Variants in EVC observed in about 807,000 individuals in gnomAD.
EVC encodes EvC ciliary complex subunit 1.
EVC carries 116 observed loss-of-function variants against 118.9 expected under a neutral mutation model. The ratio of observed to expected loss-of-function variants is 0.98; its 90% CI spans 0.84 to 1.14. The LOEUF (loss-of-function observed/expected upper bound fraction) is 1.14. EVC is among the 50% of genes most tolerant of loss of function. The probability of loss-of-function intolerance (pLI) is 0.00; values close to 1 mark genes in which losing one functional copy is unlikely to be tolerated. For missense variants in EVC, 1,401 were observed against 1,246.4 expected, an observed-to-expected ratio of 1.12 and a Z score of -1.87; for synonymous variants, 619 against 534.7, an observed-to-expected ratio of 1.16 and a Z score of -2.18.
chr4:5,759,006 G>A (rs939613313), intron 11 of EVC, among the ~76,000 whole-genome samples: 3 of 152,068 alleles, frequency 2.0e-5, no homozygotes. Flanking sequence ...CCCTTTCTGG[G>A]GAGTCTTATG....
downstream of EVC, chr4:5,814,392 C>T (rs529338693): frequency 1.3e-5 from 2 of 152,218 alleles, no homozygotes; most frequent in Admixed American, 6.5e-5. Context: ...CTCCCAGGAC[C>T]CTCCTGGCCA....
chr4:5,824,483 C>CCTCTCT, the EVC span: 6 of 942,282 alleles, frequency 6.4e-6, no homozygotes, highest in Admixed American at 6.3e-5. Flanking sequence ...CACACGTCAT[C>CCTCTCT]CTCTCTCTCT....
intron 11 of EVC, among the ~76,000 whole-genome samples, chr4:5,783,279 CAT>C (rs1316110689): frequency 1.3e-5 from 2 of 151,884 alleles, no homozygotes; most frequent in African/African-American, 2.4e-5. Context: ...TGTCTGCATG[CAT>C]ATGTGTATGA....
chr4:5,828,089 G>A, the EVC span: 88 of 985,422 alleles, frequency 8.9e-5, no homozygotes, highest in East Asian at 2.3e-4. Context: ...GGCCAGACCC[G>A]AGGGTTTCTG....
At chr4:5,800,960 C>T (rs905354660) in intron 15 of EVC, among the ~76,000 whole-genome samples, 2 of 152,158 alleles carry the variant, frequency 1.3e-5, no homozygotes, top group Non-Finnish European at 2.9e-5. Flanking sequence ...TAAATATTTG[C>T]CGAAATGGGG....
chr4:5,722,848 A>G (rs1237729297), intron 2 of EVC, among the ~76,000 whole-genome samples: 2 of 152,220 alleles, frequency 1.3e-5, no homozygotes, highest in African/African-American at 4.8e-5. Context: ...AATTTTCTAA[A>G]TAATTGTATT....
At position 5,754,329 on chromosome 4, in the gene EVC, C is replaced by T. The variant is rs981105190; in HGVS notation, c.1464+396C>T. On this transcript the variant is annotated intron_variant, in intron 10 of 20. Transcript: ENST00000264956. The surrounding 1 kb of genome is among the most constrained non-coding windows in gnomAD (Gnocchi z 5.8). ...ACCCAGGGACAGGGCCCTTGTGGGT[C>T]GGCTGCAAGTCCAGGAGAAGGAAGG... Among the ~76,000 whole-genome samples the T allele has an allele frequency of 3.3e-5, 5 of 152,074 alleles. No individual in the cohort carries two copies. In the East Asian group the frequency reaches 7.7e-4, roughly 24 times the overall value.
In EVC at chr4:5,808,359, C is replaced by T. The variant is rs751241331; in HGVS notation, c.2688+32C>T. On this transcript the variant is annotated intron_variant, in intron 18 of 20. Transcript: ENST00000264956. ...GTTACAGAACTGGACCTTCCAAAAG[C>T]AGTGGTTTAAAGAGGAGCAGAAATA... The T allele has an allele frequency of 1.1e-5, 17 of 1,613,932 alleles. No individual in the cohort carries two copies. The South Asian group carries it at 1.5e-4, about 15-fold the overall frequency.
intron 5 of EVC, 45 bp from the exon 6 acceptor site, chr4:5,741,671 A>G (rs759304516): frequency 3.4e-6 from 4 of 1,167,856 alleles, no homozygotes; most frequent in Admixed American, 3.5e-5. Flanking sequence ...CAAAAATACC[A>G]TTGATTAAAC....
the EVC span, chr4:5,826,674 C>T: frequency 1.3e-5 from 2 of 152,328 alleles, no homozygotes; most frequent in Non-Finnish European, 2.9e-5. Flanking sequence ...TGGAGAACAG[C>T]ATGTGTTCAG....
intron 11 of EVC, among the ~76,000 whole-genome samples, chr4:5,775,149 C>G (rs1244791158): frequency 1.3e-5 from 2 of 152,148 alleles, no homozygotes; most frequent in Admixed American, 6.5e-5. Context: ...CCAAGAATGA[C>G]AGTCAACTTA....
chr4:5,757,142 T>C (rs735172), intron 11 of EVC, among the ~76,000 whole-genome samples: 46,098 of 152,066 alleles, frequency 0.3, 7,143 homozygotes, highest in South Asian at 0.32. Context: ...CATGGTGTGC[T>C]AGGAGGACTG....
chr4:5,736,984 G>A (rs971934860), intron 5 of EVC, among the ~76,000 whole-genome samples: 12 of 152,198 alleles, frequency 7.9e-5, no homozygotes, highest in Non-Finnish European at 1.6e-4. Context: ...GAGATAGGCT[G>A]AAAGCTGGGC....
Position 5,746,974 on chromosome 4 carries a change from C to T in EVC, c.940-1174C>T, listed in dbSNP as rs563445332. Among the ~76,000 whole-genome samples the T allele has an allele frequency of 6.6e-6, 1 of 152,116 alleles. No individual in the cohort carries two copies. The highest frequency in any genetic ancestry group is 2.4e-5 in the African/African-American group (1 of 41,492). On this transcript the variant is annotated intron_variant, in intron 7 of 20. Transcript: ENST00000264956. This position sits in a 1 kb window ranked among gnomAD's most constrained non-coding sequence, Gnocchi z 5.8. ...TGTAGAGTTGGCAGGTGACAGTCTG[C>T]AGTCACGTGGCAGGTGGAAGGCAGG...
chr4:5,720,107 C>T (rs1724694113), intron 2 of EVC, among the ~76,000 whole-genome samples: 1 of 152,184 alleles, frequency 6.6e-6, no homozygotes, highest in Non-Finnish European at 1.5e-5. Context: ...TCTGGGTGAG[C>T]CCCGTGGGTG....
chr4:5,828,570 G>A, the EVC span: 5 of 1,614,202 alleles, frequency 3.1e-6, no homozygotes, highest in Non-Finnish European at 2.5e-6. Flanking sequence ...CCTTGTTGAC[G>A]TTGATGTTTC....
At chr4:5,761,249 T>C (rs1731963698) in intron 11 of EVC, among the ~76,000 whole-genome samples, 1 of 152,074 alleles carries the variant, frequency 6.6e-6, no homozygotes, top group Non-Finnish European at 1.5e-5. Context: ...CCTCCCCGCC[T>C]GCTCCACAGG....
chr4:5,790,575 G>C (rs1471252737), intron 12 of EVC, among the ~76,000 whole-genome samples: 2 of 152,164 alleles, frequency 1.3e-5, no homozygotes, highest in East Asian at 1.9e-4. Flanking sequence ...ATGTGAGATC[G>C]TCAGGGAGGA....
intron 12 of EVC, 93 bp downstream of exon 12, chr4:5,783,857 G>A: frequency 8.4e-7 from 1 of 1,188,674 alleles, no homozygotes; most frequent in Non-Finnish European, 1.2e-6. Flanking sequence ...ACCCACTAGT[G>A]CCTATTGTAG....
Sources: gnomAD v4.1 joint callset for allele counts (sites outside exome capture counted in the v4.1 genomes callset) on GRCh38, gnomAD v4.1.1 for gene constraint, Gnocchi (gnomAD v3.1) non-coding constraint, MANE v1.5 for transcripts, NCBI Gene and HGNC (gene_info 2026-07-23, HGNC 2026-07-21) for gene names.